ANKDD1B: variants seen among roughly 807,000 people sequenced by gnomAD.
The protein encoded by ANKDD1B is ankyrin repeat and death domain containing 1B.
In ANKDD1B, 57 loss-of-function variants were observed where a neutral mutation model predicts 59.7. The ratio of observed to expected loss-of-function variants is 0.95; its 90% confidence interval spans 0.77 to 1.19. ANKDD1B has a LOEUF of 1.19. Ranked by LOEUF, ANKDD1B falls within the 50% of genes most tolerant of loss-of-function variation. The probability of loss-of-function intolerance (pLI) is 0.00; values close to 1 mark genes in which losing one functional copy is unlikely to be tolerated. For synonymous variants in ANKDD1B, 216 were observed against 239.5 expected, an observed-to-expected ratio of 0.90 and a Z score of 0.91; for missense variants, 602 against 641.9, an observed-to-expected ratio of 0.94 and a Z score of 0.67.
At chr5:75,660,224 CTT>C (rs1439475067) in intron 10 of ANKDD1B, among the ~76,000 whole-genome samples, 1 of 152,268 alleles carries the variant, frequency 6.6e-6, no homozygotes, top group East Asian at 1.9e-4. Context: ...AAAAGTGAAA[CTT>C]TACACTTATT....
At chr5:75,655,982 T>A in intron 8 of ANKDD1B, 47 bp from the exon 9 acceptor site, 1 of 866,170 alleles carries the variant, frequency 1.2e-6, no homozygotes, top group Non-Finnish European at 1.8e-6. Flanking sequence ...GATTTGAATG[T>A]TGAAGCCAGA....
intron 3 of ANKDD1B, among the ~76,000 whole-genome samples, chr5:75,622,956 G>T (rs1338683993): frequency 6.6e-6 from 1 of 152,112 alleles, no homozygotes; most frequent in Non-Finnish European, 1.5e-5. Flanking sequence ...CCAGCTTTTA[G>T]ATTTTATGAT....
intron 5 of ANKDD1B, among the ~76,000 whole-genome samples, chr5:75,631,136 C>A (rs1204296120): frequency 1.3e-5 from 2 of 151,990 alleles, no homozygotes; most frequent in African/African-American, 4.8e-5. Context: ...GGTTGTTCTG[C>A]AAAGTAAAAT....
At chr5:75,617,701 A>T (rs1373434655) in intron 2 of ANKDD1B, among the ~76,000 whole-genome samples, 1 of 152,196 alleles carries the variant, frequency 6.6e-6, no homozygotes, top group African/African-American at 2.4e-5. Flanking sequence ...GGCTCTAGTA[A>T]TATGTTCCTA....
chr5:75,671,064 A>G lies in ANKDD1B; in HGVS notation c.*24A>G. 8 of 1,143,390 alleles carry G rather than the reference A, an allele frequency of 7.0e-6. No homozygotes were observed. Among genetic ancestry groups the G allele is most frequent in the African/African-American group, 1.6e-5 (1 of 62,810 alleles). The allele number at this position is 1,143,390 out of a possible 1,614,324, so 70.8% of individuals were successfully genotyped here. On this transcript the variant is annotated 3_prime_UTR_variant, in exon 14 of 14. Transcript: ENST00000601380. ...AAATGCCTAAAGAAATTGTATTTACATGATTTTCCACTCAGCATTCAGTTC... is the reference window on the plus strand; with the variant it reads ...AAATGCCTAAAGAAATTGTATTTACGTGATTTTCCACTCAGCATTCAGTTC...
chr5:75,624,417 A>G (rs1773933625), intron 3 of ANKDD1B, among the ~76,000 whole-genome samples: 1 of 152,144 alleles, frequency 6.6e-6, no homozygotes, highest in Non-Finnish European at 1.5e-5. Flanking sequence ...TAAAATAACC[A>G]GTGTTAACTG....
At chr5:75,651,514 AGAT>A (rs1774831782) in intron 7 of ANKDD1B, among the ~76,000 whole-genome samples, 1 of 152,222 alleles carries the variant, frequency 6.6e-6, no homozygotes, top group Non-Finnish European at 1.5e-5. Flanking sequence ...CCGAGTAGGA[AGAT>A]GATGAGGGAA....
At chr5:75,650,145 G>A (rs1255851425) in intron 7 of ANKDD1B, among the ~76,000 whole-genome samples, 1 of 152,146 alleles carries the variant, frequency 6.6e-6, no homozygotes, top group Non-Finnish European at 1.5e-5. Flanking sequence ...CGCAATTCCC[G>A]GAACCTGTGA....
At chr5:75,637,459 C>G (rs1299112534) in intron 7 of ANKDD1B, among the ~76,000 whole-genome samples, 3 of 151,852 alleles carry the variant, frequency 2.0e-5, no homozygotes, top group Non-Finnish European at 4.4e-5. Flanking sequence ...ATGTTCTGAT[C>G]ATTTCTAAAC....
At chr5:75,669,177 G>T in intron 12 of ANKDD1B, 75 bp from the exon 13 acceptor site, 2 of 1,220,924 alleles carry the variant, frequency 1.6e-6, no homozygotes, top group Non-Finnish European at 2.0e-6. Flanking sequence ...AGAAAGTTTA[G>T]TTGGAACTGA....
intron 3 of ANKDD1B, among the ~76,000 whole-genome samples, chr5:75,623,515 A>G (rs558872179): frequency 6.6e-6 from 1 of 152,332 alleles, no homozygotes; most frequent in East Asian, 1.9e-4. Context: ...TCTCTTTGGA[A>G]CAAAGAGTCC....
intron 5 of ANKDD1B, among the ~76,000 whole-genome samples, chr5:75,629,749 A>G (rs573271855): frequency 6.6e-6 from 1 of 152,120 alleles, no homozygotes; most frequent in East Asian, 1.9e-4. Flanking sequence ...TAGCCTGGGA[A>G]GCATGGTGAA....
intron 1 of ANKDD1B, among the ~76,000 whole-genome samples, chr5:75,613,162 T>G (rs1033927988): frequency 4.6e-5 from 7 of 152,124 alleles, no homozygotes; most frequent in Admixed American, 4.6e-4. Flanking sequence ...TAGCATGGGT[T>G]GAGACAAGAC....
Position 75,667,005 on chromosome 5 carries a change from C to CTA in ANKDD1B, c.1393+13_1393+14dup, listed in dbSNP as rs1393482677. The CTA allele has an allele frequency of 1.4e-6, 2 of 1,425,456 alleles. No individual in the cohort carries two copies. The highest frequency in any genetic ancestry group is 2.9e-5 in the African/African-American group (2 of 69,464). The allele number at this position is 1,425,456 out of a possible 1,614,324, so 88.3% of individuals were successfully genotyped here. On this transcript the variant is annotated intron_variant, in intron 12 of 13. Coordinates refer to ENST00000601380, the MANE Select transcript of ANKDD1B (RefSeq NM_001276713.2). ...GGAGCAGTGGTCGGGTGAGTACAGA[C>CTA]TAGATGATGTGGGCAGGAGGAATTC... is the stretch of plus-strand genomic sequence containing the variant.
chr5:75,632,077 A>C (rs1452458884), intron 5 of ANKDD1B, among the ~76,000 whole-genome samples: 1 of 151,060 alleles, frequency 6.6e-6, no homozygotes, highest in Non-Finnish European at 1.5e-5. Context: ...ACTGCACTGC[A>C]GCCTGGGCAA....
intron 7 of ANKDD1B, among the ~76,000 whole-genome samples, chr5:75,637,392 T>C (rs1177001959): frequency 1.3e-5 from 2 of 151,986 alleles, no homozygotes; most frequent in African/African-American, 4.8e-5. Context: ...CCAGTAACTT[T>C]TTGTCTGGCT....
intron 6 of ANKDD1B, chr5:75,635,449 C>T (rs1774274185): frequency 4.5e-6 from 1 of 220,486 alleles, no homozygotes; most frequent in Non-Finnish European, 8.8e-6. Flanking sequence ...TACAATATTG[C>T]TAAAATGATC....
chr5:75,611,663 A>C lies in ANKDD1B; in HGVS notation c.29A>C (p.Gln10Pro), dbSNP rs1773559068. Residue 10 changes from glutamine to proline, a missense_variant, in exon 1 of 14, where the codon CAA becomes CCA. Coordinates refer to ENST00000601380, the MANE Select transcript of ANKDD1B (RefSeq NM_001276713.2). MDPAGRARG[Q>P]GATAGGLLLR... The stretch of plus-strand genomic sequence containing the variant: ...GACCCCGCCGGGCGCGCCCGGGGCC[A>C]AGGGGCCACGGCAGGGGGGCTGCTG... The C allele has an allele frequency of 1.6e-6, 2 of 1,231,212 alleles. No homozygotes were observed. The highest frequency in any genetic ancestry group is 8.4e-5 in the Admixed American group (2 of 23,678). 76.3% of individuals were successfully genotyped at this position (1,231,212 alleles called of 1,614,324 possible).
chr5:75,642,302 A>G (rs1774491925), intron 7 of ANKDD1B, among the ~76,000 whole-genome samples: 1 of 152,036 alleles, frequency 6.6e-6, no homozygotes, highest in Non-Finnish European at 1.5e-5. Flanking sequence ...GCGACGCAGA[A>G]GACAGGTGAT....
Sources: gnomAD v4.1 joint callset for allele counts (sites outside exome capture counted in the v4.1 genomes callset) on GRCh38, gnomAD v4.1.1 for gene constraint, MANE v1.5 for transcripts, NCBI Gene and HGNC (gene_info 2026-07-23, HGNC 2026-07-21) for gene names.